Variants in ACAP2 observed in about 807,000 individuals in gnomAD.
ACAP2 encodes the protein arf-GAP with coiled-coil, ANK repeat and PH domain-containing protein 2.
A neutral mutation model predicts 115.8 loss-of-function variants in ACAP2; 39 were observed. The ratio of observed to expected loss-of-function variants is 0.34; its 90% CI spans 0.26 to 0.44. ACAP2 has a LOEUF of 0.44. Among genes scored for constraint, ACAP2 ranks in the 20% least tolerant of loss-of-function variants. The pLI is 1.00. For missense variants in ACAP2, 662 were observed against 927.6 expected, an observed-to-expected ratio of 0.71 and a Z score of 3.72; for synonymous variants, 289 against 315.8, an observed-to-expected ratio of 0.92 and a Z score of 0.90.
At chr3:195,327,686 C>T (rs1729883936) in intron 8 of ACAP2, among the ~76,000 whole-genome samples, 1 of 152,140 alleles carries the variant, frequency 6.6e-6, no homozygotes, top group Non-Finnish European at 1.5e-5. Flanking sequence ...AATCCCAGCA[C>T]TTTGGGAGGC....
At chr3:195,433,357 C>T (rs1006419815) in intron 1 of ACAP2, among the ~76,000 whole-genome samples, 1 of 152,084 alleles carries the variant, frequency 6.6e-6, no homozygotes, top group African/African-American at 2.4e-5. Context: ...AAAAGTGGAA[C>T]CCATAGATAC....
In ACAP2 at chr3:195,279,611, A is replaced by G. The variant is rs1285715993; in HGVS notation, c.2237-183T>C. The G allele has an allele frequency of 9.5e-6, 4 of 420,496 alleles. No homozygotes were observed. In the Admixed American group the frequency reaches 1.7e-4, roughly 18 times the overall value. The allele number at this position is 420,496 out of a possible 1,614,324, so 26.0% of individuals were successfully genotyped here. ...AAAAATTATGCAATGAAAGAAAAAA[A>G]AAAACTATACCTGAAAAAAGCACCT... On this transcript the variant is annotated intron_variant, in intron 22 of 22. Transcript: ENST00000326793.
At chr3:195,381,854 C>G (rs374141041) in intron 3 of ACAP2, 49 bp downstream of exon 3, 12 of 1,555,618 alleles carry the variant, frequency 7.7e-6, no homozygotes, top group African/African-American at 1.4e-5. Context: ...TCTTTAATGT[C>G]TTATTGCTTT....
intron 4 of ACAP2, chr3:195,357,578 G>A (rs564484328): frequency 2.6e-5 from 4 of 152,276 alleles, no homozygotes; most frequent in South Asian, 2.1e-4. Context: ...CAACGATGGC[G>A]GCGACAGGAG....
At chr3:195,360,301 G>C (rs1430436537) in intron 4 of ACAP2, among the ~76,000 whole-genome samples, 1 of 151,996 alleles carries the variant, frequency 6.6e-6, no homozygotes, top group Non-Finnish European at 1.5e-5. Flanking sequence ...AATGATAAAG[G>C]GTTCAATTCA....
chr3:195,319,398 TG>T (rs1729301408), intron 10 of ACAP2, among the ~76,000 whole-genome samples: 1 of 152,150 alleles, frequency 6.6e-6, no homozygotes, highest in Non-Finnish European at 1.5e-5. Context: ...ACCAACAGCT[TG>T]CACCATGCAC....
chr3:195,322,785 CTTTGAAAGTGCAGGGCA>C (rs1433758876), intron 9 of ACAP2, among the ~76,000 whole-genome samples: 55 of 152,292 alleles, frequency 3.6e-4, no homozygotes, highest in African/African-American at 1.3e-3. Context: ...TAAAAGACTT[CTTTGAAAGTGCAGGGCA>C]TTACAAGTGT....
At chr3:195,356,598 G>A (rs985891925) in intron 4 of ACAP2, among the ~76,000 whole-genome samples, 6 of 152,100 alleles carry the variant, frequency 3.9e-5, no homozygotes, top group Non-Finnish European at 8.8e-5. Context: ...GAGAAGAGGA[G>A]AGGAAAGGAT....
intron 7 of ACAP2, 182 bp downstream of exon 7, chr3:195,336,747 AAAC>A (rs1399726038): frequency 5.0e-6 from 3 of 603,762 alleles, no homozygotes; most frequent in Non-Finnish European, 8.8e-6. Context: ...TGAGACACAC[AAAC>A]AACTGTAACA....
intron 20 of ACAP2, 62 bp from the exon 21 acceptor site, chr3:195,289,293 T>G: frequency 8.7e-7 from 1 of 1,152,676 alleles, no homozygotes; most frequent in Non-Finnish European, 1.3e-6. Context: ...AGTATTCACC[T>G]TAAAAAAAAA....
chr3:195,362,679 C>T (rs1433554411), intron 4 of ACAP2, among the ~76,000 whole-genome samples: 4 of 152,120 alleles, frequency 2.6e-5, no homozygotes, highest in Non-Finnish European at 5.9e-5. Context: ...TCAACATATG[C>T]AAATCAATGT....
intron 10 of ACAP2, among the ~76,000 whole-genome samples, chr3:195,311,388 C>T (rs111748196): frequency 0.013 from 2,032 of 152,108 alleles, 34 homozygotes; most frequent in African/African-American, 0.043. Flanking sequence ...TGAGCCACCA[C>T]GCCCGGCCCT....
At chr3:195,402,489 C>T (rs1274834314) in intron 1 of ACAP2, among the ~76,000 whole-genome samples, 1 of 152,152 alleles carries the variant, frequency 6.6e-6, no homozygotes, top group Non-Finnish European at 1.5e-5. Flanking sequence ...TTTTGGCATA[C>T]AAGGTCGCAC....
rs1473706480 is a variant in ACAP2 at position 195,277,744 on chromosome 3, AAAG to A, written c.*1581_*1583del. 1.3e-5 allele frequency: 2 copies of A among 152,322 alleles called. No homozygotes were observed. The highest frequency in any genetic ancestry group is 3.9e-4 in the East Asian group (2 of 5,190). 9.4% of individuals were successfully genotyped at this position (152,322 alleles called of 1,614,324 possible). On this transcript the variant is annotated 3_prime_UTR_variant, in exon 23 of 23. Transcript: ENST00000326793. The stretch of plus-strand genomic sequence containing the variant: ...TAATATCATTTACATATAATTTCTA[AAAG>A]AAGAATAGACTTAATTGTTGACAAC...
chr3:195,318,348 G>C (rs1044926192), intron 10 of ACAP2, among the ~76,000 whole-genome samples: 1 of 152,214 alleles, frequency 6.6e-6, no homozygotes, highest in Non-Finnish European at 1.5e-5. Context: ...GTAACAGGCA[G>C]AGGTTGGAAC....
intron 1 of ACAP2, among the ~76,000 whole-genome samples, chr3:195,411,833 G>A (rs1016384848): frequency 1.6e-4 from 24 of 151,218 alleles, no homozygotes; most frequent in African/African-American, 5.3e-4. Flanking sequence ...TCTCTTGAAG[G>A]CAGGAGTTTG....
chr3:195,311,373 AGGCGTGAGCCACCACGCCC>A (rs1728757647), intron 10 of ACAP2, among the ~76,000 whole-genome samples: 1 of 152,132 alleles, frequency 6.6e-6, no homozygotes, highest in Non-Finnish European at 1.5e-5. Context: ...CTGGGACTAC[AGGCGTGAGCCACCACGCCC>A]GGCCCTAGTT....
chr3:195,315,029 G>A (rs1728997531), intron 10 of ACAP2, among the ~76,000 whole-genome samples: 1 of 152,106 alleles, frequency 6.6e-6, no homozygotes, highest in African/African-American at 2.4e-5. Context: ...TCACTGATTG[G>A]CTGATTGAGA....
chr3:195,314,749 A>G (rs1577285483), intron 10 of ACAP2, among the ~76,000 whole-genome samples: 1 of 152,346 alleles, frequency 6.6e-6, no homozygotes, highest in East Asian at 1.9e-4. Flanking sequence ...TTCATATTTG[A>G]ATCACTGGAT....
Sources: allele counts gnomAD v4.1 joint callset (sites outside exome capture counted in the v4.1 genomes callset), GRCh38; gene constraint gnomAD v4.1.1; transcripts MANE v1.5; gene names NCBI Gene and HGNC (gene_info 2026-07-23, HGNC 2026-07-21).